The following MTHFD1 variants were observed in gnomAD, a reference collection of about 807,000 sequenced individuals.
MTHFD1 encodes the protein methylenetetrahydrofolate dehydrogenase, cyclohydrolase and formyltetrahydrofolate synthetase 1.
In MTHFD1, 44 loss-of-function variants were observed where a neutral mutation model predicts 110.3. The observed-to-expected ratio is 0.40, with a 90% CI of 0.31 to 0.51. MTHFD1 has a LOEUF of 0.51. Ranked by LOEUF, MTHFD1 falls within the 20% of genes least tolerant of loss-of-function variation. The pLI, the probability that MTHFD1 is intolerant of heterozygous loss-of-function variation, is 0.60. For synonymous variants in MTHFD1, 402 were observed against 428.8 expected (o/e 0.94, Z 0.77); for missense variants, 909 against 1,173.1 (o/e 0.77, Z 3.29).
At position 64,442,272 on chromosome 14, in the gene MTHFD1, C is replaced by T. The variant is rs753347727; in HGVS notation, c.2006C>T (p.Ala669Val). The T allele has an allele frequency of 1.9e-6, 3 of 1,614,218 alleles. No individual in the cohort carries two copies. Among genetic ancestry groups the T allele is most frequent in the Non-Finnish European group, 2.5e-6 (3 of 1,180,034 alleles). The change falls in exon 21 of 28, where the codon GCA becomes GTA. Residue 669 changes from alanine (A) to valine (V), a missense_variant. Transcript: ENST00000652337. ...VGPEGFVVTE[A>V]GFGADIGMEK... is the part of the protein sequence containing the mutation. ...GCTTTCCTCTTTACAGTGACGGAAG[C>T]AGGATTTGGAGCAGACATTGGAATG...
In MTHFD1 at chr14:64,439,962, G is replaced by A. The variant is rs573484238; in HGVS notation, c.1675-164G>A. ...GAATAATTAATTAATATATTTTTTT[G>A]CTATTAGAGGATTATTTTCATTAAG... is the stretch of plus-strand genomic sequence containing the variant. On this transcript the variant is annotated intron_variant, in intron 17 of 27. Coordinates refer to ENST00000652337, the MANE Select transcript of MTHFD1 (RefSeq NM_005956.4). Among the ~76,000 whole-genome samples the A allele has an allele frequency of 3.3e-3, 482 of 144,544 alleles. 4 individuals are homozygous for A. The highest frequency in any genetic ancestry group is 4.7e-3 in the Non-Finnish European group (315 of 66,418). 94.8% of individuals were successfully genotyped at this position (144,544 alleles called of 152,430 possible). A position where few individuals can be genotyped will look rare whatever the true frequency, so the allele number is the denominator to read the frequency against.
intron 3 of MTHFD1, among the ~76,000 whole-genome samples, chr14:64,411,815 C>T (rs562450708): frequency 8.5e-5 from 13 of 152,048 alleles, no homozygotes; most frequent in South Asian, 2.1e-4. Context: ...GCAGGAGAAT[C>T]GCTTGAACCT....
rs1368056267 is a variant in MTHFD1 at position 64,440,127 on chromosome 14, C to T, written c.1676C>T (p.Ala559Val). ...APTEKGHTRT[A>V]QFDISVASEI... The stretch of plus-strand genomic sequence containing the variant: ...AGTACCTCTTTTCCCTGCCCACAGG[C>T]CCAGTTTGATATCTCTGTGGCCAGT... The change falls in exon 18 of 28, where the codon GCC becomes GTC. Residue 559 changes from alanine to valine, a missense_variant and splice_region_variant. Transcript: ENST00000652337. 1 of 1,612,936 alleles carries T rather than the reference C, an allele frequency of 6.2e-7. No homozygotes were observed. Among genetic ancestry groups the T allele is most frequent in the Non-Finnish European group, 8.5e-7 (1 of 1,179,554 alleles).
rs374796783 is a variant in MTHFD1 at position 64,449,011 on chromosome 14, G to A, written c.2280-434G>A. The A allele has an allele frequency of 8.6e-4, 259 of 300,292 alleles. 2 individuals carry two copies. The East Asian group carries it at 0.018, about 21-fold the overall frequency. The allele number at this position is 300,292 out of a possible 1,614,324, so 18.6% of individuals were successfully genotyped here. A position where few individuals can be genotyped will look rare whatever the true frequency, so the allele number is the denominator to read the frequency against. ...AGACGGGGTTTCACCGTGTTAGCCA[G>A]GATGGTCTCGATCTCCTGACCTCGT... On this transcript the variant is annotated intron_variant, in intron 23 of 27. Coordinates refer to ENST00000652337, the MANE Select transcript of MTHFD1 (RefSeq NM_005956.4).
intron 8 of MTHFD1, among the ~76,000 whole-genome samples, chr14:64,422,291 A>G (rs947450975): frequency 8.5e-5 from 13 of 152,108 alleles, no homozygotes; most frequent in African/African-American, 3.1e-4. Context: ...AAAGACTGAT[A>G]TTTGCAAATG....
intron 13 of MTHFD1, among the ~76,000 whole-genome samples, chr14:64,431,062 T>G (rs192499197): frequency 6.7e-6 from 1 of 149,156 alleles, no homozygotes; most frequent in African/African-American, 2.6e-5. Context: ...TGTTTTCTTT[T>G]TCTTTTTCTT....
At chr14:64,438,091 TC>T (rs1204591950) in intron 16 of MTHFD1, among the ~76,000 whole-genome samples, 3 of 152,216 alleles carry the variant, frequency 2.0e-5, no homozygotes, top group African/African-American at 7.2e-5. Flanking sequence ...CAGGCTGGCC[TC>T]GAACTTTTGA....
intron 2 of MTHFD1, among the ~76,000 whole-genome samples, chr14:64,407,580 T>C (rs2077945265): frequency 6.7e-6 from 1 of 149,406 alleles, no homozygotes; most frequent in African/African-American, 2.5e-5. Context: ...AATCTTGTTC[T>C]GTCATGCAGG....
chr14:64,400,871 A>G lies in MTHFD1; in HGVS notation c.120A>G (p.Ile40Met), dbSNP rs2077890162. The G allele has an allele frequency of 2.5e-6, 4 of 1,600,694 alleles. No homozygotes were observed. The highest frequency in any genetic ancestry group is 1.1e-5 in the South Asian group (1 of 90,466). ...CTGGTTTCACACCACGCCTGGCAAT[A>G]TTACAGGTATTATGATAGTGTATTT... Reference protein sequence around the residue: ...QVPGFTPRLAILQVGNRDDSN... With the variant: ...QVPGFTPRLAMLQVGNRDDSN... The change falls in exon 2 of 28, where the codon ATA becomes ATG. Residue 40 changes from isoleucine (I) to methionine (M), a missense_variant. Ile to Met is a conservative substitution (Grantham distance 10). Transcript: ENST00000652337.
At chr14:64,403,133 G>T (rs1227660506) in intron 2 of MTHFD1, among the ~76,000 whole-genome samples, 3 of 149,020 alleles carry the variant, frequency 2.0e-5, no homozygotes, top group African/African-American at 5.0e-5. Context: ...TTTTTTTTTT[G>T]AGACGGAGTC....
chr14:64,407,394 G>A (rs1357135010), intron 2 of MTHFD1, among the ~76,000 whole-genome samples: 2 of 151,992 alleles, frequency 1.3e-5, no homozygotes, highest in African/African-American at 4.8e-5. Context: ...ACGCCTGGGA[G>A]GTTGAGGCTG....
chr14:64,409,301 CA>C (rs1354148007), intron 2 of MTHFD1, among the ~76,000 whole-genome samples: 1 of 152,190 alleles, frequency 6.6e-6, no homozygotes, highest in Non-Finnish European at 1.5e-5. Flanking sequence ...GACTTAGAAA[CA>C]TGTCCACCTA....
At chr14:64,448,130 C>A (rs1047096874) in intron 22 of MTHFD1, 87 bp from the exon 23 acceptor site, 2 of 923,662 alleles carry the variant, frequency 2.2e-6, no homozygotes, top group African/African-American at 1.6e-5. Flanking sequence ...TGGCTGCTGG[C>A]TCAAGGAGGT....
intron 9 of MTHFD1, 151 bp from the exon 10 acceptor site, chr14:64,425,579 C>T (rs926481621): frequency 5.5e-6 from 4 of 731,474 alleles, no homozygotes; most frequent in Non-Finnish European, 9.8e-6. Flanking sequence ...TGTTAGGTGC[C>T]TCTTGACTCT....
At chr14:64,395,707 G>T (rs758168264) in intron 1 of MTHFD1, among the ~76,000 whole-genome samples, 8 of 152,128 alleles carry the variant, frequency 5.3e-5, no homozygotes, top group Non-Finnish European at 1.2e-4. Flanking sequence ...TGGGGAAGGG[G>T]TATGCTATTG....
chr14:64,388,463 C>T lies in MTHFD1; in HGVS notation c.36C>T (p.Ile12=), dbSNP rs746957800. ...APAEILNGKE[I]SAQIRARLKN... ...CAGAAATCCTGAACGGGAAGGAGAT[C>T]TCCGCGTAAGCACCTGACATTGTTG... The change falls in exon 1 of 28, where the codon ATC becomes ATT. Residue 12 remains isoleucine, a synonymous_variant. Coordinates refer to ENST00000652337, the MANE Select transcript of MTHFD1 (RefSeq NM_005956.4). The T allele has an allele frequency of 6.2e-7, 1 of 1,613,768 alleles. No individual in the cohort carries two copies. The highest frequency in any genetic ancestry group is 8.5e-7 in the Non-Finnish European group (1 of 1,179,932).
chr14:64,391,842 A>G (rs2077808129), intron 1 of MTHFD1, among the ~76,000 whole-genome samples: 7 of 152,184 alleles, frequency 4.6e-5, no homozygotes, highest in Admixed American at 4.6e-4. Flanking sequence ...TGTGTCCCCT[A>G]AGCCAGGCAA....
Position 64,459,982 on chromosome 14 carries a change from GA to G in MTHFD1, c.*230del. The G allele has an allele frequency of 6.9e-7, 1 of 1,450,270 alleles. No homozygotes were observed. Among genetic ancestry groups the G allele is most frequent in the Non-Finnish European group, 9.3e-7 (1 of 1,076,486 alleles). The allele number at this position is 1,450,270 out of a possible 1,614,324, so 89.8% of individuals were successfully genotyped here. Reference sequence around the variant, plus strand: ...CTGTTTACTTTAGTGACGTTCCACAGAATAAAAGGAAACAAGTTTGCCATCT... The same window carrying G: ...CTGTTTACTTTAGTGACGTTCCACAGATAAAAGGAAACAAGTTTGCCATCT... On this transcript the variant is annotated 3_prime_UTR_variant, in exon 28 of 28. Transcript: ENST00000652337.
Position 64,414,644 on chromosome 14 carries a change from C to T in MTHFD1, c.241-714C>T, listed in dbSNP as rs111876004. Among the ~76,000 whole-genome samples, 779 of 151,416 alleles carry T rather than the reference C, an allele frequency of 5.1e-3. 8 individuals carry two copies. Among genetic ancestry groups the T allele is most frequent in the African/African-American group, 0.018 (732 of 41,206 alleles). On this transcript the variant is annotated intron_variant, in intron 4 of 27. Transcript: ENST00000652337. ...CTGGGATGACAGGTGTGAGCCACCA[C>T]ACCCAGCCCTAATTTTTTTTTTTTT...
Sources: gnomAD v4.1 joint callset for allele counts (sites outside exome capture counted in the v4.1 genomes callset) on GRCh38, gnomAD v4.1.1 for gene constraint, MANE v1.5 for transcripts, NCBI Gene and HGNC (gene_info 2026-07-23, HGNC 2026-07-21) for gene names.